EGFR: variants seen among roughly 807,000 people sequenced by gnomAD.
EGFR encodes the protein epidermal growth factor receptor.
EGFR carries 58 observed loss-of-function variants against 143.0 expected under a neutral mutation model. The observed-to-expected ratio is 0.41, with a 90% confidence interval of 0.33 to 0.50. EGFR has a LOEUF of 0.50. EGFR is among the 20% of genes least tolerant of loss of function. EGFR has a pLI of 0.39. For missense variants in EGFR, 1,307 were observed against 1,579.0 expected, an observed-to-expected ratio of 0.83 and a Z score of 2.92; for synonymous variants, 613 against 594.4, an observed-to-expected ratio of 1.03 and a Z score of -0.45.
chr7:55,197,768 G>A (rs1375183347), intron 22 of EGFR, among the ~76,000 whole-genome samples: 1 of 152,140 alleles, frequency 6.6e-6, no homozygotes. Context: ...TGTGGCTTTT[G>A]TCCTTAGTTC....
In EGFR at chr7:55,167,200, G is replaced by A. The variant is rs1306227391; in HGVS notation, c.1880+1763G>A. On this transcript the variant is annotated intron_variant, in intron 15 of 27. Coordinates refer to ENST00000275493, the MANE Select transcript of EGFR (RefSeq NM_005228.5). ...ACGGTGTTGACAGTGGTGACGAGGC[G>A]GGAGTCACAATGGTGTCGGTGGTGA... 3.6e-5 allele frequency among the ~76,000 whole-genome samples: 5 copies of A among 137,354 alleles called. 1 individual carries two copies. The highest frequency in any genetic ancestry group is 2.6e-4 in the East Asian group (1 of 3,798). 90.1% of individuals were successfully genotyped at this position (137,354 alleles called of 152,430 possible).
At position 55,160,311 on chromosome 7, in the gene EGFR, A is replaced by G. The variant is rs768500612; in HGVS notation, c.1471A>G (p.Ile491Val). ...GACCTCCGGTCAGAAAACCAAAATT[A>G]TAAGCAACAGAGGTGAAAACAGCTG... Reference protein sequence around the residue: ...FGTSGQKTKIISNRGENSCKA... With the variant: ...FGTSGQKTKIVSNRGENSCKA... Residue 491 changes from isoleucine to valine, a missense_variant, in exon 12 of 28, where the codon ATA becomes GTA. Around this residue, in one of 7 missense-constraint regions of EGFR, gnomAD observed 250 missense variants for 295.1 expected, o/e 0.85. Coordinates refer to ENST00000275493, the MANE Select transcript of EGFR (RefSeq NM_005228.5). 24 of 1,613,718 alleles carry G rather than the reference A, an allele frequency of 1.5e-5. No individual in the cohort carries two copies. Among genetic ancestry groups the G allele is most frequent in the Non-Finnish European group, 1.9e-5 (23 of 1,179,980 alleles).
intron 1 of EGFR, among the ~76,000 whole-genome samples, chr7:55,085,506 T>C (rs2128892042): frequency 6.6e-6 from 1 of 152,318 alleles, no homozygotes; most frequent in South Asian, 2.1e-4. Flanking sequence ...ATGAGGAGTG[T>C]TCTTATCTCT....
At position 55,019,063 on chromosome 7, in the gene EGFR, C is replaced by G; in HGVS notation, c.-215C>G. The G allele has an allele frequency of 3.7e-6, 1 of 269,256 alleles. No individual in the cohort carries two copies. The highest frequency in any genetic ancestry group is 6.8e-6 in the Non-Finnish European group (1 of 146,354). 16.7% of individuals were successfully genotyped at this position (269,256 alleles called of 1,614,324 possible). On this transcript the variant is annotated 5_prime_UTR_variant, in exon 1 of 28. Coordinates refer to ENST00000275493, the MANE Select transcript of EGFR (RefSeq NM_005228.5). ...CGCAGCGCGGCCGCAGCAGCCTCCG[C>G]CCCCCGCACGGTGTGAGCGCCCGAC...
chr7:55,099,310 T>C lies in EGFR; in HGVS notation c.89-42976T>C, dbSNP rs1370054768. Among the ~76,000 whole-genome samples, 5 of 152,218 alleles carry C rather than the reference T, an allele frequency of 3.3e-5. No homozygotes were observed. The East Asian group carries it at 7.7e-4, about 23-fold the overall frequency. On this transcript the variant is annotated intron_variant, in intron 1 of 27. Coordinates refer to ENST00000275493, the MANE Select transcript of EGFR (RefSeq NM_005228.5). The stretch of plus-strand genomic sequence containing the variant: ...TGCTGTGCTGGGTTAGGCAGAGCCA[T>C]CTGACTTGTTTTGCTTTATTTTAGA...
At chr7:55,097,422 C>A (rs973462106) in intron 1 of EGFR, among the ~76,000 whole-genome samples, 1 of 152,144 alleles carries the variant, frequency 6.6e-6, no homozygotes, top group Non-Finnish European at 1.5e-5. Context: ...AAACTGTAAC[C>A]AGCCCAAATA....
chr7:55,139,594 G>A (rs1794342422), intron 1 of EGFR, among the ~76,000 whole-genome samples: 1 of 152,186 alleles, frequency 6.6e-6, no homozygotes, highest in Non-Finnish European at 1.5e-5. Flanking sequence ...ACCCAGGATA[G>A]TATTCAAGAT....
At chr7:55,112,889 C>T (rs1483360241) in intron 1 of EGFR, among the ~76,000 whole-genome samples, 1 of 152,244 alleles carries the variant, frequency 6.6e-6, no homozygotes, top group Non-Finnish European at 1.5e-5. Context: ...CAGTGCAACA[C>T]CTGATTCCCA....
intron 1 of EGFR, among the ~76,000 whole-genome samples, chr7:55,074,742 G>A (rs17172433): frequency 0.16 from 23,741 of 152,124 alleles, 2,131 homozygotes; most frequent in African/African-American, 0.23. Context: ...AAATCAATTA[G>A]TAAGCAAATC....
At chr7:55,061,195 G>T (rs556562041) in intron 1 of EGFR, among the ~76,000 whole-genome samples, 54 of 152,316 alleles carry the variant, frequency 3.5e-4, no homozygotes, top group African/African-American at 1.2e-3. Context: ...TAATAGACGT[G>T]TAGGTCTCTT....
intron 25 of EGFR, 48 bp downstream of exon 25, chr7:55,201,403 T>C: frequency 1.9e-6 from 3 of 1,612,748 alleles, no homozygotes; most frequent in Non-Finnish European, 2.5e-6. Flanking sequence ...GTCTACTCAT[T>C]TGAACAAATT....
chr7:55,197,108 C>G (rs1361060347), intron 22 of EGFR, among the ~76,000 whole-genome samples: 1 of 152,134 alleles, frequency 6.6e-6, no homozygotes, highest in Non-Finnish European at 1.5e-5. Flanking sequence ...GCAGTATAGT[C>G]ATTTTAATGA....
chr7:55,078,567 G>A (rs746578333), intron 1 of EGFR, among the ~76,000 whole-genome samples: 1 of 152,172 alleles, frequency 6.6e-6, no homozygotes, highest in Admixed American at 6.5e-5. Flanking sequence ...CCTTCCGCAC[G>A]TGCAGGAAAA....
At chr7:55,176,351 A>G (rs1200382759) in intron 19 of EGFR, among the ~76,000 whole-genome samples, 1 of 152,196 alleles carries the variant, frequency 6.6e-6, no homozygotes, top group African/African-American at 2.4e-5. Context: ...TGGAGGAAAT[A>G]TGCTTCTGTG....
intron 1 of EGFR, among the ~76,000 whole-genome samples, chr7:55,130,107 T>C (rs1793747801): frequency 6.6e-6 from 1 of 151,866 alleles, no homozygotes; most frequent in African/African-American, 2.4e-5. Context: ...TCAGAGGAGG[T>C]TTACTGAGCC....
chr7:55,172,038 C>A (rs1463319057), intron 16 of EGFR, among the ~76,000 whole-genome samples: 2 of 152,144 alleles, frequency 1.3e-5, no homozygotes, highest in South Asian at 4.1e-4. Flanking sequence ...AAGACTGGGT[C>A]CCCTTCCACT....
chr7:55,197,455 A>T (rs1787664635), intron 22 of EGFR, among the ~76,000 whole-genome samples: 1 of 152,178 alleles, frequency 6.6e-6, no homozygotes, highest in African/African-American at 2.4e-5. Context: ...TCATCTGCAA[A>T]CAGAGATAGC....
intron 1 of EGFR, among the ~76,000 whole-genome samples, chr7:55,066,003 G>C (rs578120607): frequency 6.6e-6 from 1 of 152,244 alleles, no homozygotes; most frequent in South Asian, 2.1e-4. Context: ...TTTCCAAAAA[G>C]CTGCATGTTG....
chr7:55,055,219 A>G (rs1788736832), intron 1 of EGFR, among the ~76,000 whole-genome samples: 1 of 152,200 alleles, frequency 6.6e-6, no homozygotes, highest in Admixed American at 6.5e-5. Context: ...TCTCTAAATC[A>G]GTGGTTCTCA....
Sources: allele counts gnomAD v4.1 joint callset (sites outside exome capture counted in the v4.1 genomes callset), GRCh38; gene constraint gnomAD v4.1.1; regional missense constraint gnomAD v4.1.1; transcripts MANE v1.5; gene names NCBI Gene and HGNC (gene_info 2026-07-23, HGNC 2026-07-21).